GALNT13: variants seen among roughly 807,000 people sequenced by gnomAD.
GALNT13 encodes UDP-GalNAc:polypeptide N-acetylgalactosaminyltransferase 13.
GALNT13 carries 28 observed loss-of-function variants against 64.2 expected under a neutral mutation model. The observed-to-expected ratio is 0.44, with a 90% CI of 0.32 to 0.60. The LOEUF is 0.60. Among genes scored for constraint, GALNT13 ranks in the 20% least tolerant of loss-of-function variants. GALNT13 has a pLI of 0.05. For missense variants in GALNT13, 577 were observed against 669.8 expected, an observed-to-expected ratio of 0.86 and a Z score of 1.53; for synonymous variants, 214 against 224.6, an observed-to-expected ratio of 0.95 and a Z score of 0.42.
At chr2:153,799,690 C>G in the GALNT13 span, among the ~76,000 whole-genome samples, 1 of 152,134 alleles carries the variant, frequency 6.6e-6, no homozygotes, top group Non-Finnish European at 1.5e-5. Context: ...ATCACCGTAT[C>G]AGATATGATT....
the GALNT13 span, among the ~76,000 whole-genome samples, chr2:153,806,024 G>A: frequency 2.6e-5 from 4 of 151,940 alleles, no homozygotes; most frequent in African/African-American, 9.7e-5. Flanking sequence ...TCCTACCAAA[G>A]AGCCTAGAAA....
intron 3 of GALNT13, among the ~76,000 whole-genome samples, chr2:154,051,929 G>T (rs779044415): frequency 5.3e-5 from 8 of 152,070 alleles, no homozygotes; most frequent in Non-Finnish European, 1.2e-4. Context: ...GTGAAAGACT[G>T]TATTTCTCAG....
intron 3 of GALNT13, among the ~76,000 whole-genome samples, chr2:154,026,724 T>C (rs1047832674): frequency 1.6e-4 from 25 of 152,308 alleles, no homozygotes; most frequent in Middle Eastern, 3.4e-3. Flanking sequence ...AATTATCTCC[T>C]ACAAACCCTA....
At chr2:153,400,260 T>G in the GALNT13 span, among the ~76,000 whole-genome samples, 4 of 152,010 alleles carry the variant, frequency 2.6e-5, no homozygotes, top group African/African-American at 9.7e-5. Flanking sequence ...CAGCCTTGCA[T>G]CCCAGGGATG....
the GALNT13 span, among the ~76,000 whole-genome samples, chr2:153,332,295 C>A: frequency 6.6e-6 from 1 of 152,132 alleles, no homozygotes; most frequent in East Asian, 1.9e-4. Flanking sequence ...TCTAACTTTT[C>A]AAGGTAGACC....
the GALNT13 span, among the ~76,000 whole-genome samples, chr2:153,126,300 A>G: frequency 0.044 from 338 of 7,606 alleles, 8 homozygotes; most frequent in African/African-American, 0.13. Context: ...GATTTTGTAT[A>G]TATATATATA....
At chr2:153,251,549 C>A in the GALNT13 span, among the ~76,000 whole-genome samples, 4 of 151,832 alleles carry the variant, frequency 2.6e-5, no homozygotes, top group East Asian at 7.7e-4. Flanking sequence ...ATACATGTGC[C>A]ATGCTGGTGC....
chr2:153,932,098 A>G (rs148433946), intron 2 of GALNT13, among the ~76,000 whole-genome samples: 145 of 152,194 alleles, frequency 9.5e-4, no homozygotes, highest in African/African-American at 3.4e-3. Context: ...GGTGTTTATA[A>G]TAGTCTGAGG....
At chr2:153,189,561 A>G in the GALNT13 span, among the ~76,000 whole-genome samples, 3 of 152,158 alleles carry the variant, frequency 2.0e-5, no homozygotes, top group Admixed American at 6.5e-5. Context: ...TAATAAACAT[A>G]AGAGTGCATG....
chr2:154,249,728 A>G (rs569393052), intron 7 of GALNT13, among the ~76,000 whole-genome samples: 1 of 152,246 alleles, frequency 6.6e-6, no homozygotes, highest in African/African-American at 2.4e-5. Flanking sequence ...AAAGTAAAAC[A>G]AAAGAGTTTT....
chr2:153,663,830 G>C, the GALNT13 span, among the ~76,000 whole-genome samples: 3 of 152,134 alleles, frequency 2.0e-5, no homozygotes, highest in African/African-American at 7.2e-5. Context: ...TTTCTGAAAA[G>C]AAAGTGTCAG....
chr2:154,104,151 CAG>C (rs1702488614), intron 3 of GALNT13, among the ~76,000 whole-genome samples: 1 of 145,494 alleles, frequency 6.9e-6, no homozygotes. Flanking sequence ...CTTCCATTCA[CAG>C]AGACACTGTC....
At chr2:153,884,209 G>A (rs1339448467) in intron 1 of GALNT13, among the ~76,000 whole-genome samples, 1 of 151,968 alleles carries the variant, frequency 6.6e-6, no homozygotes, top group African/African-American at 2.4e-5. Context: ...TGAATATGAT[G>A]TGAAGTGACT....
chr2:153,851,054 C>T, the GALNT13 span, among the ~76,000 whole-genome samples: 1 of 151,716 alleles, frequency 6.6e-6, no homozygotes, highest in Non-Finnish European at 1.5e-5. Flanking sequence ...ATTATCAGCC[C>T]GTAGTTTAAG....
At chr2:153,301,310 AAAAAAAAAG>A in the GALNT13 span, among the ~76,000 whole-genome samples, 2 of 53,448 alleles carry the variant, frequency 3.7e-5, no homozygotes, top group African/African-American at 1.5e-4. Context: ...ACTCCTTCTC[AAAAAAAAAG>A]AAAAAAAAAA....
intron 4 of GALNT13, among the ~76,000 whole-genome samples, chr2:154,172,498 A>C (rs987130882): frequency 6.6e-6 from 1 of 151,878 alleles, no homozygotes; most frequent in Non-Finnish European, 1.5e-5. Context: ...TGTCTTCATG[A>C]CGTCCATACT....
rs1688775887 is a variant in GALNT13 at position 154,229,050 on chromosome 2, T to G, written c.312-12980T>G. Among the ~76,000 whole-genome samples the G allele has an allele frequency of 2.0e-5, 3 of 152,020 alleles. No homozygotes were observed. In the South Asian group the frequency reaches 6.2e-4, roughly 32 times the overall value. On this transcript the variant is annotated intron_variant, in intron 4 of 12. Coordinates refer to ENST00000392825, the MANE Select transcript of GALNT13 (RefSeq NM_052917.4). ...TGTTGCTGTATACCCGGGGCAAGCC[T>G]CTTGTCCTTTGCCAACACTGGGCTG...
intron 7 of GALNT13, among the ~76,000 whole-genome samples, chr2:154,247,712 G>A (rs757505178): frequency 6.6e-6 from 1 of 152,024 alleles, no homozygotes; most frequent in Non-Finnish European, 1.5e-5. Flanking sequence ...CATAATTTAT[G>A]TGGTTGTATT....
chr2:154,023,793 T>C (rs1392911541), intron 3 of GALNT13, among the ~76,000 whole-genome samples: 1 of 152,214 alleles, frequency 6.6e-6, no homozygotes, highest in Non-Finnish European at 1.5e-5. Context: ...CTAGCCTTGA[T>C]GGTCTTTACA....
Sources: allele counts gnomAD v4.1 joint callset (sites outside exome capture counted in the v4.1 genomes callset), GRCh38; gene constraint gnomAD v4.1.1; transcripts MANE v1.5; gene names NCBI Gene and HGNC (gene_info 2026-07-23, HGNC 2026-07-21).